The following IL13RA1 variants were observed in gnomAD, a reference collection of about 807,000 sequenced individuals.
IL13RA1 encodes the protein interleukin-13 receptor subunit alpha-1.
A neutral mutation model predicts 33.8 loss-of-function variants in IL13RA1; 14 were observed. The ratio of observed to expected loss-of-function variants is 0.41; its 90% confidence interval spans 0.27 to 0.65. The LOEUF (loss-of-function observed/expected upper bound fraction) is 0.65. IL13RA1 is among the 30% of genes least tolerant of loss of function. The pLI is 0.28. For missense variants in IL13RA1, 313 were observed against 327.0 expected, an observed-to-expected ratio of 0.96 and a Z score of 0.33; for synonymous variants, 116 against 115.7, an observed-to-expected ratio of 1.00 and a Z score of -0.02.
intron 4 of IL13RA1, among the ~76,000 whole-genome samples, chrX:118,757,176 T>A (rs1179742063): frequency 1.8e-5 from 2 of 111,534 alleles, no homozygotes; most frequent in Non-Finnish European, 3.8e-5. Context: ...TCTTCTCTTA[T>A]ACAGAAGAAA....
intron 4 of IL13RA1, among the ~76,000 whole-genome samples, chrX:118,750,081 A>G (rs1445782184): frequency 9.0e-6 from 1 of 111,705 alleles, no homozygotes; most frequent in Non-Finnish European, 1.9e-5. Flanking sequence ...AAACCAGAAA[A>G]TTGGCATTGG....
intron 1 of IL13RA1, among the ~76,000 whole-genome samples, chrX:118,733,421 A>G (rs1471584036): frequency 9.0e-6 from 1 of 111,651 alleles, no homozygotes; most frequent in Non-Finnish European, 1.9e-5. Flanking sequence ...CTTATTGGCT[A>G]TTTCCTTATC....
chrX:118,747,247 ATATGAG>A (rs966795720), intron 3 of IL13RA1, among the ~76,000 whole-genome samples, 155 bp downstream of exon 3: 1 of 111,906 alleles, frequency 8.9e-6, no homozygotes, highest in African/African-American at 3.3e-5. Context: ...CTCAATGAAA[ATATGAG>A]TATGTCTCTG....
chrX:118,779,417 ACAAAATACT>A (rs2017818586), intron 10 of IL13RA1, among the ~76,000 whole-genome samples: 1 of 112,216 alleles, frequency 8.9e-6, no homozygotes, highest in Non-Finnish European at 1.9e-5. Context: ...TAATGTTATA[ACAAAATACT>A]CAAAATACAG....
At chrX:118,741,578 G>A (rs955355214) in intron 2 of IL13RA1, among the ~76,000 whole-genome samples, 2 of 111,411 alleles carry the variant, frequency 1.8e-5, no homozygotes, top group Non-Finnish European at 3.8e-5. Context: ...AAAAGTAAAC[G>A]GCCATATGGA....
intron 8 of IL13RA1, chrX:118,769,770 C>T (rs757030424): frequency 7.7e-5 from 9 of 116,600 alleles, no homozygotes; most frequent in African/African-American, 2.9e-4. Context: ...TGGCTGGGCC[C>T]CTCTCAGTCA....
chrX:118,747,624 T>C (rs1427642726), intron 3 of IL13RA1, among the ~76,000 whole-genome samples: 1 of 111,353 alleles, frequency 9.0e-6, no homozygotes, highest in East Asian at 2.8e-4. Flanking sequence ...AAGAGAAAAA[T>C]ATTATGCTGG....
intron 10 of IL13RA1, among the ~76,000 whole-genome samples, 170 bp downstream of exon 10, chrX:118,776,681 C>T (rs1404316874): frequency 9.2e-6 from 1 of 108,746 alleles, no homozygotes; most frequent in East Asian, 2.9e-4. Context: ...CCTGTAATCC[C>T]AACACTTTGG....
At position 118,773,950 on chromosome X, in the gene IL13RA1, A is replaced by T. The variant is rs2017754552; in HGVS notation, c.1081A>T (p.Ile361Leu). 1.9e-6 allele frequency: 2 copies of T among 1,035,835 alleles called. No individual in the cohort carries two copies. The highest frequency in any genetic ancestry group is 2.7e-6 in the Non-Finnish European group (2 of 737,080). 85.4% of individuals were successfully genotyped at this position (1,035,835 alleles called of 1,213,427 possible). Residue 361 changes from isoleucine to leucine, a missense_variant, in exon 9 of 11, where the codon ATA (isoleucine) becomes TTA (leucine). By Grantham distance (5) the Ile-to-Leu change is conservative. Transcript: ENST00000371666. ...TCCAGTCATCGTCGCAGGTGCAATC[A>T]TAGTACTCCTGCTTTACCTAAAAAG... is the stretch of plus-strand genomic sequence containing the variant. ...IVPVIVAGAIIVLLLYLKRLK... is the reference protein window; with the variant it reads ...IVPVIVAGAILVLLLYLKRLK...
chrX:118,777,218 C>A (rs185304482), intron 10 of IL13RA1, among the ~76,000 whole-genome samples: 12 of 110,061 alleles, frequency 1.1e-4, no homozygotes, highest in African/African-American at 9.9e-5. Context: ...CTAGATACCT[C>A]CTATATGTGA....
rs767838545 is a variant in IL13RA1 at position 118,766,682 on chromosome X, C to T, written c.876+105C>T. On this transcript the variant is annotated intron_variant, in intron 7 of 10. Transcript: ENST00000371666. Reference sequence around the variant, plus strand: ...TTGAGAAAAACAAATTACGTTGTTCCGTGAGTTATTGACAATTTTTTCGAA... The same window carrying T: ...TTGAGAAAAACAAATTACGTTGTTCTGTGAGTTATTGACAATTTTTTCGAA... 24 of 591,672 alleles carry T rather than the reference C, an allele frequency of 4.1e-5. No individual in the cohort carries two copies. In the East Asian group the frequency reaches 6.1e-4, roughly 15 times the overall value. The allele number at this position is 591,672 out of a possible 1,213,427, so 48.8% of individuals were successfully genotyped here. A position where few individuals can be genotyped will look rare whatever the true frequency, so the allele number is the denominator to read the frequency against.
chrX:118,765,829 A>C (rs1355819089), intron 6 of IL13RA1, among the ~76,000 whole-genome samples: 2 of 112,315 alleles, frequency 1.8e-5, no homozygotes, highest in East Asian at 5.6e-4. Flanking sequence ...AAGTGTGTGT[A>C]TTGTTATCTT....
At chrX:118,767,636 G>A (rs746032285) in intron 8 of IL13RA1, among the ~76,000 whole-genome samples, 2 of 111,642 alleles carry the variant, frequency 1.8e-5, no homozygotes, top group Non-Finnish European at 3.8e-5. Flanking sequence ...CAAGAGTGGA[G>A]CCATTTAATA....
rs768852962 is a variant in IL13RA1, at chrX:118,760,022, C to T, written c.677-1116C>T. ...TCCTGAGCTCAAGCGATCTACCCAC[C>T]TTGGCTCCCAAAGTATTTTACTCTT... On this transcript the variant is annotated intron_variant, in intron 5 of 10. Transcript: ENST00000371666. Among the ~76,000 whole-genome samples the T allele has an allele frequency of 3.6e-5, 4 of 111,890 alleles. No individual in the cohort carries two copies. In the Admixed American group the frequency reaches 3.8e-4, roughly 11 times the overall value.
intron 1 of IL13RA1, among the ~76,000 whole-genome samples, chrX:118,735,647 A>C (rs974814050): frequency 8.9e-6 from 1 of 111,865 alleles, no homozygotes; most frequent in Admixed American, 9.5e-5. Flanking sequence ...TCCCAGGTTC[A>C]AGCGATGCTC....
At chrX:118,791,657 G>A (rs1266971138) in intron 10 of IL13RA1, 105 bp from the exon 11 acceptor site, 11 of 363,443 alleles carry the variant, frequency 3.0e-5, no homozygotes, top group Middle Eastern at 8.2e-4. Flanking sequence ...ATACCCCTAC[G>A]GTTCCATCCA....
At chrX:118,762,328 C>A (rs770576913) in intron 6 of IL13RA1, among the ~76,000 whole-genome samples, 1 of 112,448 alleles carries the variant, frequency 8.9e-6, no homozygotes, top group Non-Finnish European at 1.9e-5. Flanking sequence ...AAGATGGCGC[C>A]TTAAGACCAT....
chrX:118,770,079 A>G, intron 8 of IL13RA1: 1 of 255,993 alleles, frequency 3.9e-6, no homozygotes, highest in Non-Finnish European at 7.4e-6. Flanking sequence ...TGCGCCTGGT[A>G]CTTCTCACTG....
At chrX:118,789,001 G>T (rs1406984790) in intron 10 of IL13RA1, among the ~76,000 whole-genome samples, 1 of 112,146 alleles carries the variant, frequency 8.9e-6, no homozygotes, top group Admixed American at 9.4e-5. Context: ...TGCTCAGCTG[G>T]TAAGTATATA....
Sources: gnomAD v4.1 joint callset for allele counts (sites outside exome capture counted in the v4.1 genomes callset) on GRCh38, gnomAD v4.1.1 for gene constraint, MANE v1.5 for transcripts, NCBI Gene and HGNC (gene_info 2026-07-23, HGNC 2026-07-21) for gene names.